DCLK2: variants seen among roughly 807,000 people sequenced by gnomAD.
The protein encoded by DCLK2 is doublecortin like kinase 2, also known as serine/threonine-protein kinase DCLK2.
Under a neutral mutation model 78.4 loss-of-function variants are expected in DCLK2, and 31 were observed. The observed-to-expected ratio is 0.40, with a 90% CI of 0.30 to 0.53. The LOEUF (loss-of-function observed/expected upper bound fraction) is 0.53. Among genes scored for constraint, DCLK2 ranks in the 20% least tolerant of loss-of-function variants. DCLK2 has a pLI of 0.61. For synonymous variants in DCLK2, 407 were observed against 374.9 expected, an observed-to-expected ratio of 1.09 and a Z score of -0.99; for missense variants, 872 against 973.7, an observed-to-expected ratio of 0.90 and a Z score of 1.39.
At chr4:150,146,179 C>T (rs991356526) in intron 2 of DCLK2, among the ~76,000 whole-genome samples, 4 of 152,160 alleles carry the variant, frequency 2.6e-5, no homozygotes, top group African/African-American at 9.7e-5. Flanking sequence ...ACAAGATCTG[C>T]AGGAGAAAAG....
intron 5 of DCLK2, among the ~76,000 whole-genome samples, chr4:150,204,110 A>G (rs1256186059): frequency 1.3e-5 from 2 of 152,322 alleles, no homozygotes; most frequent in African/African-American, 4.8e-5. Context: ...TAAAATGGGA[A>G]CACGGGGTTG....
At chr4:150,090,634 C>T (rs914162588) in intron 1 of DCLK2, among the ~76,000 whole-genome samples, 11 of 152,194 alleles carry the variant, frequency 7.2e-5, no homozygotes, top group African/African-American at 2.4e-4. Flanking sequence ...GGTGGGTTTT[C>T]GTTTTTACAT....
intron 1 of DCLK2, among the ~76,000 whole-genome samples, chr4:150,086,103 T>C (rs1729617558): frequency 6.6e-6 from 1 of 152,156 alleles, no homozygotes; most frequent in African/African-American, 2.4e-5. Context: ...AAGGGAAAAT[T>C]ACAAACCCAA....
chr4:150,156,485 A>AATAAATAT (rs1735279155), intron 2 of DCLK2, among the ~76,000 whole-genome samples: 1 of 145,710 alleles, frequency 6.9e-6, no homozygotes, highest in Admixed American at 6.9e-5. Flanking sequence ...TCTCTACCAA[A>AATAAATAT]ATAAATAAAT....
At chr4:150,158,444 T>C (rs1735474923) in intron 2 of DCLK2, among the ~76,000 whole-genome samples, 2 of 151,968 alleles carry the variant, frequency 1.3e-5, no homozygotes, top group Non-Finnish European at 2.9e-5. Flanking sequence ...TTGCCTCCCC[T>C]CCACCACAGA....
At chr4:150,085,196 A>G (rs1350138668) in intron 1 of DCLK2, among the ~76,000 whole-genome samples, 1 of 152,120 alleles carries the variant, frequency 6.6e-6, no homozygotes, top group African/African-American at 2.4e-5. Flanking sequence ...ACATTCTACT[A>G]CTACATTCTA....
At chr4:150,212,400 A>G (rs527629754) in intron 5 of DCLK2, among the ~76,000 whole-genome samples, 1 of 152,300 alleles carries the variant, frequency 6.6e-6, no homozygotes, top group South Asian at 2.1e-4. Context: ...ATGTAAATCC[A>G]CAGTAGCTGC....
chr4:150,223,773 A>ATAAATAAG (rs1352334350), intron 7 of DCLK2, among the ~76,000 whole-genome samples: 4 of 151,862 alleles, frequency 2.6e-5, no homozygotes, highest in Admixed American at 1.3e-4. Context: ...AAATAAATAA[A>ATAAATAAG]TAACATCAAG....
chr4:150,108,246 C>T (rs192362650), intron 2 of DCLK2, among the ~76,000 whole-genome samples: 5 of 152,026 alleles, frequency 3.3e-5, no homozygotes, highest in East Asian at 1.9e-4. Flanking sequence ...CAGTGGCTCA[C>T]GCCTGTAATC....
intron 12 of DCLK2, among the ~76,000 whole-genome samples, chr4:150,242,373 C>T (rs1387603974): frequency 6.6e-6 from 1 of 152,168 alleles, no homozygotes; most frequent in Non-Finnish European, 1.5e-5. Flanking sequence ...TTCCATCTGG[C>T]CGTCAACATC....
At chr4:150,220,854 G>A (rs1291888532) in intron 6 of DCLK2, 76 bp downstream of exon 6, 4 of 1,187,192 alleles carry the variant, frequency 3.4e-6, no homozygotes, top group Non-Finnish European at 4.9e-6. Context: ...AAACTCACTT[G>A]TGCTAAATTA....
chr4:150,092,175 T>C (rs1486145428), intron 1 of DCLK2, among the ~76,000 whole-genome samples: 4 of 152,140 alleles, frequency 2.6e-5, no homozygotes, highest in Admixed American at 1.3e-4. Flanking sequence ...TCTCATTGTA[T>C]GTATATACCA....
chr4:150,133,816 G>A (rs904312068), intron 2 of DCLK2, among the ~76,000 whole-genome samples: 1 of 152,192 alleles, frequency 6.6e-6, no homozygotes, highest in Non-Finnish European at 1.5e-5. Flanking sequence ...CAGTTCATGA[G>A]TCATGTAAAC....
intron 1 of DCLK2, among the ~76,000 whole-genome samples, chr4:150,089,658 G>A (rs1729907777): frequency 6.6e-6 from 1 of 152,168 alleles, no homozygotes; most frequent in Non-Finnish European, 1.5e-5. Context: ...TCACTTAAAT[G>A]TTTGTAAATA....
chr4:150,106,206 A>G (rs1003800959), intron 2 of DCLK2, among the ~76,000 whole-genome samples: 2 of 151,496 alleles, frequency 1.3e-5, no homozygotes, highest in South Asian at 2.1e-4. Flanking sequence ...TGCTGAGTCC[A>G]TGTTGTACTA....
chr4:150,084,813 C>T (rs568634573), intron 1 of DCLK2, among the ~76,000 whole-genome samples: 2 of 152,254 alleles, frequency 1.3e-5, no homozygotes, highest in South Asian at 2.1e-4. Flanking sequence ...GGAGTTGCTG[C>T]GGGGTGTGTA....
chr4:150,239,712 C>A (rs200705697), intron 10 of DCLK2, 30 bp from the exon 11 acceptor site: 116 of 1,579,254 alleles, frequency 7.3e-5, no homozygotes, highest in Middle Eastern at 1.8e-4. Flanking sequence ...AAAAAAAAAT[C>A]TTCTGATTGT....
chr4:150,138,463 G>A (rs1580576466), intron 2 of DCLK2, among the ~76,000 whole-genome samples: 1 of 152,158 alleles, frequency 6.6e-6, no homozygotes, highest in South Asian at 2.1e-4. Context: ...ACAAAATTTA[G>A]CAAGGCATGG....
chr4:150,180,217 C>T (rs1277905085), intron 2 of DCLK2, among the ~76,000 whole-genome samples: 1 of 152,180 alleles, frequency 6.6e-6, no homozygotes, highest in Non-Finnish European at 1.5e-5. Context: ...GGCTGTATGA[C>T]TTTGCACAAG....
Sources: gnomAD v4.1 joint callset for allele counts (sites outside exome capture counted in the v4.1 genomes callset) on GRCh38, gnomAD v4.1.1 for gene constraint, MANE v1.5 for transcripts, NCBI Gene and HGNC (gene_info 2026-07-23, HGNC 2026-07-21) for gene names.